The following AXDND1 variants were observed in gnomAD, a reference collection of about 807,000 sequenced individuals.
AXDND1 encodes the protein axonemal dynein light chain domain containing 1, also known as axonemal dynein light chain domain-containing protein 1.
Under a neutral mutation model 137.5 loss-of-function variants are expected in AXDND1, and 110 were observed. That is an observed-to-expected ratio of 0.80 (90% CI 0.69 to 0.94). The LOEUF (loss-of-function observed/expected upper bound fraction) is 0.94, where lower values mean the gene tolerates loss of function less well. Among genes scored for constraint, AXDND1 ranks in the 40% least tolerant of loss-of-function variants. The pLI is 0.00. For missense variants in AXDND1, 1,191 were observed against 1,169.8 expected (o/e 1.02, Z -0.26); for synonymous variants, 414 against 399.7 (o/e 1.04, Z -0.43).
At chr1:179,490,266 G>A (rs1666721214) in intron 18 of AXDND1, among the ~76,000 whole-genome samples, 1 of 152,040 alleles carries the variant, frequency 6.6e-6, no homozygotes, top group Non-Finnish European at 1.5e-5. Flanking sequence ...AAACTGGTAA[G>A]TCTTCTCAGA....
intron 25 of AXDND1, among the ~76,000 whole-genome samples, chr1:179,539,183 A>G (rs1043917963): frequency 1.3e-5 from 2 of 152,152 alleles, no homozygotes; most frequent in East Asian, 3.9e-4. Flanking sequence ...CATTTAGCCC[A>G]TTTACATTTA....
chr1:179,485,960 A>T (rs1338116274), intron 18 of AXDND1, among the ~76,000 whole-genome samples: 1 of 151,976 alleles, frequency 6.6e-6, no homozygotes, highest in Non-Finnish European at 1.5e-5. Context: ...TCTACTAAAA[A>T]TACAGAAAAT....
At chr1:179,547,023 A>G (rs1352140545) in intron 25 of AXDND1, among the ~76,000 whole-genome samples, 1 of 152,194 alleles carries the variant, frequency 6.6e-6, no homozygotes, top group Non-Finnish European at 1.5e-5. Context: ...CTTGGGAAAC[A>G]TATCTTGCAT....
chr1:179,465,376 C>G (rs915851241), intron 16 of AXDND1, among the ~76,000 whole-genome samples: 2 of 152,216 alleles, frequency 1.3e-5, no homozygotes, highest in Admixed American at 6.5e-5. Flanking sequence ...TTGGAGTTTG[C>G]TGGAGGTCCA....
In AXDND1 at chr1:179,366,500, ATTGTTT is replaced by A. The variant is rs1667419705; in HGVS notation, c.-9_-4del. 6.3e-7 allele frequency: 1 copy of A among 1,597,904 alleles called. No individual in the cohort carries two copies. The highest frequency in any genetic ancestry group is 1.3e-5 in the African/African-American group (1 of 74,632). On this transcript the variant is annotated 5_prime_UTR_variant, in exon 2 of 26. Coordinates refer to ENST00000367618, the MANE Select transcript of AXDND1 (RefSeq NM_144696.6). ...TCAAATTACTAAAGAGATAGGAGGCATTGTTTATTATGTCTCTCCCGAAAACGCCCT... is the reference window on the plus strand; with the variant it reads ...TCAAATTACTAAAGAGATAGGAGGCAATTATGTCTCTCCCGAAAACGCCCT...
chr1:179,443,071 A>G (rs1659235570), intron 15 of AXDND1, among the ~76,000 whole-genome samples: 1 of 152,192 alleles, frequency 6.6e-6, no homozygotes, highest in South Asian at 2.1e-4. Flanking sequence ...CCTTTGAACA[A>G]TAGGTGCTAG....
intron 15 of AXDND1, among the ~76,000 whole-genome samples, chr1:179,437,590 G>A (rs1264463708): frequency 6.6e-6 from 1 of 152,136 alleles, no homozygotes; most frequent in Non-Finnish European, 1.5e-5. Context: ...TTCTGTTTAT[G>A]TATTAATTGA....
chr1:179,403,766 G>T (rs898103504), intron 11 of AXDND1, among the ~76,000 whole-genome samples: 2 of 152,120 alleles, frequency 1.3e-5, no homozygotes, highest in African/African-American at 4.8e-5. Context: ...TAGAGACAGG[G>T]TATTGCCATG....
At chr1:179,470,340 T>A (rs1334518199) in intron 17 of AXDND1, among the ~76,000 whole-genome samples, 1 of 152,152 alleles carries the variant, frequency 6.6e-6, no homozygotes, top group Non-Finnish European at 1.5e-5. Flanking sequence ...AGCTTGTCAA[T>A]TTTTACAAAG....
rs1047307208 is a variant in AXDND1 at position 179,391,559 on chromosome 1, T to C, written c.864-2344T>C. Among the ~76,000 whole-genome samples the C allele has an allele frequency of 3.3e-5, 5 of 151,710 alleles. No homozygotes were observed. In the South Asian group the frequency reaches 8.3e-4, roughly 25 times the overall value. ...CTTATTTATTTATTTATTTTTGAGA[T>C]GGAGTCTCACTCTGTTGCCCAGGCT... On this transcript the variant is annotated intron_variant, in intron 9 of 25. Coordinates refer to ENST00000367618, the MANE Select transcript of AXDND1 (RefSeq NM_144696.6).
At chr1:179,471,349 G>A (rs36075564) in intron 17 of AXDND1, among the ~76,000 whole-genome samples, 48,363 of 152,032 alleles carry the variant, frequency 0.32, 8,307 homozygotes, top group Middle Eastern at 0.43. Context: ...GCAGCCATCT[G>A]TGGGTAGGTT....
intron 18 of AXDND1, among the ~76,000 whole-genome samples, chr1:179,486,212 C>G (rs1459906727): frequency 4.0e-5 from 6 of 150,290 alleles, no homozygotes; most frequent in Non-Finnish European, 8.9e-5. Flanking sequence ...CAGAATCAAC[C>G]AAGCTGAGGA....
At chr1:179,518,680 G>A (rs1488075961) in intron 21 of AXDND1, among the ~76,000 whole-genome samples, 2 of 152,084 alleles carry the variant, frequency 1.3e-5, no homozygotes, top group Non-Finnish European at 2.9e-5. Context: ...AAGAATAATG[G>A]CCTCTAGCTC....
At chr1:179,442,038 T>C (rs1050803870) in intron 15 of AXDND1, among the ~76,000 whole-genome samples, 4 of 152,194 alleles carry the variant, frequency 2.6e-5, no homozygotes, top group African/African-American at 9.7e-5. Flanking sequence ...TAAACTCTAG[T>C]GGAGTGTGTT....
chr1:179,519,018 G>T (rs996077466), intron 21 of AXDND1, among the ~76,000 whole-genome samples: 2 of 152,170 alleles, frequency 1.3e-5, no homozygotes, highest in African/African-American at 4.8e-5. Context: ...GTGTATATAA[G>T]TGATCCTTTC....
At chr1:179,404,199 G>T (rs1443307545) in intron 11 of AXDND1, among the ~76,000 whole-genome samples, 3 of 148,292 alleles carry the variant, frequency 2.0e-5, no homozygotes, top group East Asian at 2.0e-4. Context: ...TCTAGGCTGT[G>T]TTCATCTGTG....
chr1:179,380,382 A>T (rs548236320), intron 6 of AXDND1, among the ~76,000 whole-genome samples: 158 of 152,356 alleles, frequency 1.0e-3, no homozygotes, highest in African/African-American at 3.8e-3. Flanking sequence ...TGAATTTTTT[A>T]AAAAATGGAA....
chr1:179,483,938 C>G (rs1041247711), intron 18 of AXDND1, among the ~76,000 whole-genome samples: 12 of 152,106 alleles, frequency 7.9e-5, no homozygotes, highest in Non-Finnish European at 1.8e-4. Flanking sequence ...AAACATCTGC[C>G]ACTGAGGGAC....
intron 16 of AXDND1, chr1:179,452,694 C>CAAAAAAA (rs56975419): frequency 7.0e-4 from 48 of 68,736 alleles, no homozygotes; most frequent in Non-Finnish European, 1.1e-3. Context: ...GACTCCGTCT[C>CAAAAAAA]AAAAAAAAAA....
Sources: gnomAD v4.1 joint callset for allele counts (sites outside exome capture counted in the v4.1 genomes callset) on GRCh38, gnomAD v4.1.1 for gene constraint, MANE v1.5 for transcripts, NCBI Gene and HGNC (gene_info 2026-07-23, HGNC 2026-07-21) for gene names.